Variants in NOX3 observed in about 807,000 individuals in gnomAD.
NOX3 encodes the protein NADPH oxidase catalytic subunit-like 3.
NOX3 carries 74 observed loss-of-function variants against 76.7 expected under a neutral mutation model. The observed-to-expected ratio is 0.96, with a 90% CI of 0.80 to 1.17. The LOEUF (loss-of-function observed/expected upper bound fraction) is 1.17. Ranked by LOEUF, NOX3 falls within the 50% of genes most tolerant of loss-of-function variation. The pLI is 0.00. For missense variants in NOX3, 695 were observed against 703.3 expected (o/e 0.99, Z 0.13); for synonymous variants, 263 against 261.1 (o/e 1.01, Z -0.07).
At chr6:155,436,639 C>CAGTG in intron 6 of NOX3, 92 bp from the exon 7 acceptor site, 1 of 1,312,382 alleles carries the variant, frequency 7.6e-7, no homozygotes, top group Non-Finnish European at 1.1e-6. Context: ...ATATATCCTA[C>CAGTG]AGTGAGCTCT....
rs146734632 is a variant in NOX3 at position 155,455,066 on chromosome 6, C to A, written c.112G>T (p.Glu38Ter). 3 of 1,612,874 alleles carry A rather than the reference C, an allele frequency of 1.9e-6. No homozygotes were observed. The highest frequency in any genetic ancestry group is 2.2e-5 in the East Asian group (1 of 44,838). ...IDTFYWYEEE[E>*]SFHYTRVILG... ...ATAACTCGTGTGTAATGGAAAGACT[C>A]CTCCTCTTCATACCAGTAGAACGTG... The change falls in exon 2 of 14, where the codon GAG becomes TAG. Residue 38 changes from glutamate to a stop codon, truncating the protein, a stop_gained. Transcript: ENST00000159060. LOFTEE classifies it high-confidence loss of function.
chr6:155,425,619 G>A (rs1330692879), intron 9 of NOX3, among the ~76,000 whole-genome samples: 1 of 152,178 alleles, frequency 6.6e-6, no homozygotes, highest in East Asian at 1.9e-4. Flanking sequence ...CGTGTGCTAA[G>A]TATTATGTTA....
At chr6:155,408,047 C>T (rs146982008) in intron 11 of NOX3, among the ~76,000 whole-genome samples, 100 of 152,268 alleles carry the variant, frequency 6.6e-4, no homozygotes, top group African/African-American at 2.2e-3. Flanking sequence ...GGCGTGATCT[C>T]GGTTCACTGC....
chr6:155,436,582 G>A (rs374977580), intron 6 of NOX3, 35 bp from the exon 7 acceptor site: 17 of 1,608,632 alleles, frequency 1.1e-5, no homozygotes, highest in Admixed American at 8.5e-5. Flanking sequence ...AAAACAAAAA[G>A]CAAAAAACGT....
At chr6:155,439,864 G>A (rs113783741) in intron 6 of NOX3, 92 bp downstream of exon 6, 23 of 1,170,854 alleles carry the variant, frequency 2.0e-5, no homozygotes, top group Admixed American at 2.7e-5. Flanking sequence ...TGTAGTCACC[G>A]CACGCCGGCT....
At chr6:155,407,420 CA>C (rs1393689831) in intron 11 of NOX3, among the ~76,000 whole-genome samples, 166 bp from the exon 12 acceptor site, 1 of 152,206 alleles carries the variant, frequency 6.6e-6, no homozygotes, top group African/African-American at 2.4e-5. Context: ...CACTTTAGGG[CA>C]AGCATCATAT....
chr6:155,429,110 T>G, intron 8 of NOX3, 63 bp from the exon 9 acceptor site: 2 of 1,425,818 alleles, frequency 1.4e-6, no homozygotes, highest in Non-Finnish European at 1.9e-6. Flanking sequence ...CACCTTTCAT[T>G]CCATCAAAGG....
At chr6:155,443,779 A>G (rs1368461023) in intron 4 of NOX3, among the ~76,000 whole-genome samples, 5 of 152,016 alleles carry the variant, frequency 3.3e-5, no homozygotes, top group South Asian at 4.2e-4. Flanking sequence ...AGAAATTGGA[A>G]AGCATTATTC....
At chr6:155,419,051 T>C (rs1417361615) in intron 10 of NOX3, among the ~76,000 whole-genome samples, 1 of 152,250 alleles carries the variant, frequency 6.6e-6, no homozygotes, top group Non-Finnish European at 1.5e-5. Context: ...CACCGTTAGA[T>C]AAATATGTAC....
intron 11 of NOX3, among the ~76,000 whole-genome samples, chr6:155,410,732 A>G (rs560747078): frequency 7.9e-5 from 12 of 152,242 alleles, no homozygotes; most frequent in Admixed American, 7.8e-4. Flanking sequence ...CAAACTCTGG[A>G]CAAATCATGT....
At chr6:155,400,125 T>G (rs1426671706) in intron 12 of NOX3, among the ~76,000 whole-genome samples, 2 of 152,210 alleles carry the variant, frequency 1.3e-5, no homozygotes, top group Admixed American at 1.3e-4. Context: ...CTCTTCTCTG[T>G]GGGGTTGGTG....
chr6:155,399,623 G>T (rs1779195951), intron 12 of NOX3, among the ~76,000 whole-genome samples: 1 of 152,064 alleles, frequency 6.6e-6, no homozygotes, highest in Non-Finnish European at 1.5e-5. Flanking sequence ...ACTCTTCTCG[G>T]CATTTGTGAC....
intron 8 of NOX3, 44 bp from the exon 9 acceptor site, chr6:155,429,091 A>G (rs1562466067): frequency 6.9e-7 from 1 of 1,455,278 alleles, no homozygotes; most frequent in East Asian, 2.5e-5. Flanking sequence ...CCTCGAAATA[A>G]TAAAGAAACA....
intron 10 of NOX3, among the ~76,000 whole-genome samples, chr6:155,411,882 C>T (rs938293029): frequency 2.0e-5 from 3 of 152,204 alleles, no homozygotes; most frequent in Admixed American, 6.5e-5. Context: ...AATTTCCTCT[C>T]AGTGAAACAT....
intron 10 of NOX3, among the ~76,000 whole-genome samples, chr6:155,415,308 A>G (rs1433652588): frequency 6.6e-6 from 1 of 152,220 alleles, no homozygotes; most frequent in Non-Finnish European, 1.5e-5. Flanking sequence ...CTGTGTTACT[A>G]TGAGAGCTCA....
At chr6:155,407,035 G>T in intron 12 of NOX3, 95 bp downstream of exon 12, 2 of 1,344,958 alleles carry the variant, frequency 1.5e-6, no homozygotes, top group South Asian at 1.2e-5. Context: ...CTCTAATGGA[G>T]ATATACGGTA....
intron 12 of NOX3, among the ~76,000 whole-genome samples, chr6:155,399,594 C>T (rs1364632111): frequency 2.0e-5 from 3 of 152,194 alleles, no homozygotes; most frequent in African/African-American, 7.2e-5. Context: ...ACAGACAGCA[C>T]AAGCAGTTTG....
chr6:155,402,488 T>G (rs1324726444), intron 12 of NOX3, among the ~76,000 whole-genome samples: 1 of 152,240 alleles, frequency 6.6e-6, no homozygotes, highest in Admixed American at 6.5e-5. Flanking sequence ...CACTTTTCTA[T>G]TTTCTGTCAG....
chr6:155,426,759 T>C (rs1776759239), intron 9 of NOX3, among the ~76,000 whole-genome samples: 1 of 152,088 alleles, frequency 6.6e-6, no homozygotes, highest in Non-Finnish European at 1.5e-5. Context: ...CAGCTGGCGA[T>C]GCACTCCATA....
Sources: gnomAD v4.1 joint callset for allele counts (sites outside exome capture counted in the v4.1 genomes callset) on GRCh38, gnomAD v4.1.1 for gene constraint, MANE v1.5 for transcripts, NCBI Gene and HGNC (gene_info 2026-07-23, HGNC 2026-07-21) for gene names.